The following ABCC8 variants were observed in gnomAD, a reference collection of about 807,000 sequenced individuals.
The protein encoded by ABCC8 is ATP binding cassette subfamily C member 8, also known as ATP-binding cassette sub-family C member 8.
A neutral mutation model predicts 188.0 loss-of-function variants in ABCC8; 137 were observed. The ratio of observed to expected loss-of-function variants is 0.73; its 90% CI spans 0.63 to 0.84. The LOEUF is 0.84. Ranked by LOEUF, ABCC8 falls within the 40% of genes least tolerant of loss-of-function variation. The pLI, the probability that ABCC8 is intolerant of heterozygous loss-of-function variation, is 0.00. For synonymous variants in ABCC8, 797 were observed against 846.5 expected, an observed-to-expected ratio of 0.94 and a Z score of 1.01; for missense variants, 1,750 against 2,072.7, an observed-to-expected ratio of 0.84 and a Z score of 3.02.
At chr11:17,417,774 G>A (rs1026686399) in intron 16 of ABCC8, among the ~76,000 whole-genome samples, 2 of 151,758 alleles carry the variant, frequency 1.3e-5, no homozygotes, top group Admixed American at 1.3e-4. Flanking sequence ...TCTCAGACAG[G>A]GTTTCACTCC....
intron 38 of ABCC8, 51 bp from the exon 39 acceptor site, chr11:17,393,179 G>T (rs1182563596): frequency 6.2e-7 from 1 of 1,608,596 alleles, no homozygotes; most frequent in Admixed American, 1.7e-5. Context: ...ACCACCCGCG[G>T]TGGGGGCCAC....
chr11:17,416,550 A>G (rs1167087942), intron 17 of ABCC8, among the ~76,000 whole-genome samples: 1 of 152,090 alleles, frequency 6.6e-6, no homozygotes, highest in African/African-American at 2.4e-5. Context: ...CCACTATCTA[A>G]TTCCAAAACA....
chr11:17,429,856 G>GAGC (rs1955765582), intron 12 of ABCC8: 1 of 152,184 alleles, frequency 6.6e-6, no homozygotes, highest in Non-Finnish European at 1.5e-5. Context: ...ATACTCCTTA[G>GAGC]AGCATAATTT....
chr11:17,438,932 T>A (rs1956208350), intron 10 of ABCC8, among the ~76,000 whole-genome samples: 1 of 152,220 alleles, frequency 6.6e-6, no homozygotes, highest in South Asian at 2.1e-4. Context: ...GAGGATGAAG[T>A]GCAATCACGC....
At chr11:17,472,548 T>G (rs1425979531) in intron 2 of ABCC8, among the ~76,000 whole-genome samples, 1 of 152,200 alleles carries the variant, frequency 6.6e-6, no homozygotes, top group Non-Finnish European at 1.5e-5. Flanking sequence ...CCAGGCTGGA[T>G]TAGACTGGAG....
rs978027142 is a variant in ABCC8, at chr11:17,442,998, C to T, written c.1468-116G>A. On this transcript the variant is annotated intron_variant, in intron 9 of 38. Coordinates refer to ENST00000389817, the MANE Select transcript of ABCC8 (RefSeq NM_000352.6). The stretch of plus-strand genomic sequence containing the variant: ...CCCGCCTCCTGTCCTCACCGGGAGG[C>T]AGCCTCCTCCCCCATTGACTCCATT... The T allele has an allele frequency of 1.9e-6, 3 of 1,558,700 alleles. No homozygotes were observed. In the African/African-American group the frequency reaches 4.1e-5, roughly 21 times the overall value.
intron 6 of ABCC8, among the ~76,000 whole-genome samples, chr11:17,457,237 T>C (rs1957027914): frequency 6.6e-6 from 1 of 151,934 alleles, no homozygotes; most frequent in South Asian, 2.1e-4. Flanking sequence ...TAGCCACAAA[T>C]ATGGCAATCC....
At chr11:17,430,756 C>A (rs898587261) in intron 12 of ABCC8, 58 bp downstream of exon 12, 19 of 1,576,152 alleles carry the variant, frequency 1.2e-5, no homozygotes, top group East Asian at 2.2e-5. Flanking sequence ...CTCGAGCAAG[C>A]CTTGAGGCTG....
chr11:17,404,692 A>C lies in ABCC8; in HGVS notation c.3400-23T>G. Reference sequence around the variant, plus strand: ...GTGCTGAGGGAGACGAGGGGGAGAGAGTGAGGTGAATTTTGGTATTGACTG... The same window carrying C: ...GTGCTGAGGGAGACGAGGGGGAGAGCGTGAGGTGAATTTTGGTATTGACTG... On this transcript the variant is annotated intron_variant, in intron 27 of 38. Transcript: ENST00000389817. This position sits in a 1 kb window ranked among gnomAD's most constrained non-coding sequence, Gnocchi z 4.7. 1 of 1,584,920 alleles carries C rather than the reference A, an allele frequency of 6.3e-7. No homozygotes were observed. Among genetic ancestry groups the C allele is most frequent in the Non-Finnish European group, 8.6e-7 (1 of 1,165,898 alleles).
intron 2 of ABCC8, among the ~76,000 whole-genome samples, chr11:17,472,167 T>C (rs1045053674): frequency 6.6e-6 from 1 of 152,252 alleles, no homozygotes; most frequent in African/African-American, 2.4e-5. Context: ...AGATGAGGAT[T>C]AACCATAATT....
intron 29 of ABCC8, 196 bp from the exon 30 acceptor site, chr11:17,398,637 C>G: frequency 3.6e-6 from 2 of 558,458 alleles, no homozygotes; most frequent in Non-Finnish European, 4.5e-6. Context: ...CCAGAATCCC[C>G]ACCTCCTCCA....
intron 16 of ABCC8, among the ~76,000 whole-genome samples, chr11:17,425,733 C>T (rs957077378): frequency 2.0e-5 from 3 of 152,110 alleles, no homozygotes; most frequent in South Asian, 2.1e-4. Flanking sequence ...ACGTGCAGAA[C>T]GTGCAGGTTT....
downstream of ABCC8, chr11:17,392,724 T>G: frequency 3.1e-5 from 16 of 509,560 alleles, no homozygotes; most frequent in Non-Finnish European, 3.9e-5. Context: ...CAGTCTGTGA[T>G]ATGTTGTTGT....
chr11:17,435,946 C>A, intron 10 of ABCC8: 1 of 1,574,410 alleles, frequency 6.4e-7, no homozygotes. Context: ...GACCCCTGCA[C>A]TCAAAGCAAT....
At position 17,402,728 on chromosome 11, in the gene ABCC8, T is replaced by C; in HGVS notation, c.3583A>G (p.Thr1195Ala). Residue 1195 changes from threonine (T) to alanine (A), a missense_variant, in exon 29 of 39, where the codon ACC (threonine) becomes GCC (alanine). Coordinates refer to ENST00000389817, the MANE Select transcript of ABCC8 (RefSeq NM_000352.6). Reference protein sequence around the residue: ...SRDLQQLDDTTQLPLLSHFAE... With the variant: ...SRDLQQLDDTAQLPLLSHFAE... The stretch of plus-strand genomic sequence containing the variant: ...AAGTGTGAGAGAAGTGGAAGCTGGG[T>C]GGTGTCATCCAGCTGCTGCAGGTCC... 1 of 1,614,142 alleles carries C rather than the reference T, an allele frequency of 6.2e-7. No homozygotes were observed. The highest frequency in any genetic ancestry group is 8.5e-7 in the Non-Finnish European group (1 of 1,180,026).
At chr11:17,466,097 G>T (rs914233433) in intron 3 of ABCC8, among the ~76,000 whole-genome samples, 3 of 152,130 alleles carry the variant, frequency 2.0e-5, no homozygotes, top group African/African-American at 7.2e-5. Context: ...AGTGAAATAA[G>T]CAAGTCATAA....
At chr11:17,426,198 C>T (rs538634443) in intron 16 of ABCC8, among the ~76,000 whole-genome samples, 16 of 152,256 alleles carry the variant, frequency 1.1e-4, no homozygotes, top group African/African-American at 3.9e-4. Context: ...TGGGTATATA[C>T]CCAGTAATGG....
chr11:17,451,530 C>T (rs889263772), intron 7 of ABCC8, among the ~76,000 whole-genome samples: 1 of 152,250 alleles, frequency 6.6e-6, no homozygotes, highest in Non-Finnish European at 1.5e-5. Flanking sequence ...AGTTTGGACT[C>T]TGACATTGTC....
chr11:17,442,093 A>G (rs565252930), intron 10 of ABCC8, among the ~76,000 whole-genome samples: 208 of 152,288 alleles, frequency 1.4e-3, no homozygotes, highest in Non-Finnish European at 2.4e-3. Context: ...AAAAGAAAAA[A>G]AAGTTTTACA....
Sources: gnomAD v4.1 joint callset for allele counts (sites outside exome capture counted in the v4.1 genomes callset) on GRCh38, gnomAD v4.1.1 for gene constraint, Gnocchi (gnomAD v3.1) non-coding constraint, MANE v1.5 for transcripts, NCBI Gene and HGNC (gene_info 2026-07-23, HGNC 2026-07-21) for gene names.